GOLGA7: variants seen among roughly 807,000 people sequenced by gnomAD.
GOLGA7 encodes golgin subfamily A member 7.
A neutral mutation model predicts 21.1 loss-of-function variants in GOLGA7; 10 were observed. The ratio of observed to expected loss-of-function variants is 0.47; its 90% CI spans 0.29 to 0.80. GOLGA7 has a LOEUF of 0.80. GOLGA7 is among the 30% of genes least tolerant of loss of function. The pLI is 0.08. For synonymous variants in GOLGA7, 64 were observed against 62.6 expected (o/e 1.02, Z -0.10); for missense variants, 114 against 166.8 (o/e 0.68, Z 1.74).
At chr8:41,504,120 TAAAAAA>T (rs58682911) in intron 2 of GOLGA7, among the ~76,000 whole-genome samples, 43 of 121,226 alleles carry the variant, frequency 3.5e-4, no homozygotes, top group African/African-American at 1.3e-3. Flanking sequence ...TAGAGTATAA[TAAAAAA>T]AAAAAAAAAA....
At chr8:41,502,102 A>G (rs1806162220) in intron 2 of GOLGA7, among the ~76,000 whole-genome samples, 1 of 152,272 alleles carries the variant, frequency 6.6e-6, no homozygotes, top group South Asian at 2.1e-4. Flanking sequence ...GAAACTGAAC[A>G]TGGATAATTA....
At chr8:41,499,562 G>A (rs1806101025) in intron 2 of GOLGA7, among the ~76,000 whole-genome samples, 1 of 152,142 alleles carries the variant, frequency 6.6e-6, no homozygotes, top group Non-Finnish European at 1.5e-5. Flanking sequence ...AACCACCCTG[G>A]CCAAACTCCA....
At chr8:41,491,009 G>C (rs1221350329) in intron 1 of GOLGA7, 44 bp downstream of exon 1, 1 of 1,119,404 alleles carries the variant, frequency 8.9e-7, no homozygotes. Flanking sequence ...GAGGGAGAGA[G>C]ACTCACCGGG....
chr8:41,491,241 T>C (rs563642067), intron 1 of GOLGA7, among the ~76,000 whole-genome samples: 1 of 152,314 alleles, frequency 6.6e-6, no homozygotes, highest in Admixed American at 6.5e-5. Context: ...GTTCCCCTGC[T>C]GCACTCCCCC....
chr8:41,506,393 G>T (rs1380665823), intron 3 of GOLGA7, among the ~76,000 whole-genome samples: 1 of 152,040 alleles, frequency 6.6e-6, no homozygotes, highest in Non-Finnish European at 1.5e-5. Flanking sequence ...CAAATGAATT[G>T]CAGTTTCATG....
intron 4 of GOLGA7, 131 bp downstream of exon 4, chr8:41,507,252 A>G (rs111789171): frequency 4.8e-6 from 3 of 624,780 alleles, no homozygotes; most frequent in African/African-American, 1.9e-5. Flanking sequence ...GTGTTAGCTT[A>G]AGCTAGTCAC....
intron 1 of GOLGA7, among the ~76,000 whole-genome samples, chr8:41,494,657 G>T (rs1805963908): frequency 6.6e-6 from 1 of 152,140 alleles, no homozygotes; most frequent in Non-Finnish European, 1.5e-5. Context: ...GGGTAGCTCA[G>T]TGAAGAAACA....
intron 2 of GOLGA7, among the ~76,000 whole-genome samples, chr8:41,504,120 TAAAAAAA>T (rs58682911): frequency 0.12 from 14,579 of 121,248 alleles, 1,010 homozygotes; most frequent in Middle Eastern, 0.22. Flanking sequence ...TAGAGTATAA[TAAAAAAA>T]AAAAAAAAAC....
intron 4 of GOLGA7, among the ~76,000 whole-genome samples, chr8:41,508,959 A>C (rs1415525826): frequency 6.6e-6 from 1 of 152,262 alleles, no homozygotes; most frequent in African/African-American, 2.4e-5. Flanking sequence ...AAAAGACTAC[A>C]CAAACATGAG....
At chr8:41,497,982 C>G (rs1482312036) in intron 2 of GOLGA7, among the ~76,000 whole-genome samples, 1 of 152,156 alleles carries the variant, frequency 6.6e-6, no homozygotes, top group Non-Finnish European at 1.5e-5. Flanking sequence ...ACTCTCTTCT[C>G]CCACCTGAGT....
chr8:41,492,490 C>T (rs1297230305), intron 1 of GOLGA7, among the ~76,000 whole-genome samples: 1 of 152,134 alleles, frequency 6.6e-6, no homozygotes, highest in Non-Finnish European at 1.5e-5. Context: ...GGTGAAACCC[C>T]ATCTCTACTA....
At chr8:41,500,306 A>T (rs1333173247) in intron 2 of GOLGA7, among the ~76,000 whole-genome samples, 27 of 152,218 alleles carry the variant, frequency 1.8e-4, no homozygotes, top group Admixed American at 1.8e-3. Context: ...GAGGCCTCTG[A>T]GGTGGTGACA....
At position 41,490,979 on chromosome 8, in the gene GOLGA7, C is replaced by T. The variant is rs752059137; in HGVS notation, c.111+14C>T. The T allele has an allele frequency of 3.6e-6, 5 of 1,370,354 alleles. No homozygotes were observed. In the South Asian group the frequency reaches 3.7e-5, roughly 10 times the overall value. 84.9% of individuals were successfully genotyped at this position (1,370,354 alleles called of 1,614,324 possible). Reference sequence around the variant, plus strand: ...CTGGAGAACCGGGTACGCAACCTGGCTCCCCACGCCTGCTCTGGCGAGGGA... The same window carrying T: ...CTGGAGAACCGGGTACGCAACCTGGTTCCCCACGCCTGCTCTGGCGAGGGA... On this transcript the variant is annotated intron_variant, in intron 1 of 4. Coordinates refer to ENST00000357743, the MANE Select transcript of GOLGA7 (RefSeq NM_001002296.2).
At chr8:41,495,336 G>A (rs1030746152) in intron 1 of GOLGA7, among the ~76,000 whole-genome samples, 20 of 151,350 alleles carry the variant, frequency 1.3e-4, no homozygotes, top group Admixed American at 1.1e-3. Flanking sequence ...CCAGACTGGA[G>A]TGCAGTGGTG....
At chr8:41,497,279 A>G (rs1004548245) in intron 1 of GOLGA7, among the ~76,000 whole-genome samples, 1 of 152,014 alleles carries the variant, frequency 6.6e-6, no homozygotes, top group African/African-American at 2.4e-5. Flanking sequence ...GTTACTTGAA[A>G]TTTAGTAGAA....
chr8:41,497,341 G>A (rs1444257743), intron 1 of GOLGA7, among the ~76,000 whole-genome samples, 168 bp from the exon 2 acceptor site: 1 of 151,804 alleles, frequency 6.6e-6, no homozygotes, highest in African/African-American at 2.4e-5. Context: ...ATTTATAAGA[G>A]GGATAAAATT....
At chr8:41,494,797 T>G (rs533112942) in intron 1 of GOLGA7, among the ~76,000 whole-genome samples, 1 of 152,190 alleles carries the variant, frequency 6.6e-6, no homozygotes, top group Non-Finnish European at 1.5e-5. Context: ...TTGCATTAAA[T>G]TCATGCATGC....
In GOLGA7 at chr8:41,497,511, T is replaced by G. The variant is rs1806047636; in HGVS notation, c.114T>G (p.Ile38Met). The G allele has an allele frequency of 6.6e-7, 1 of 1,515,890 alleles. No homozygotes were observed. 93.9% of individuals were successfully genotyped at this position (1,515,890 alleles called of 1,614,324 possible). Residue 38 changes from isoleucine (I) to methionine (M), a missense_variant and splice_region_variant, in exon 2 of 5, where the codon ATT becomes ATG. Transcript: ENST00000357743. ...TKFPAELENR[I>M]DRQQFEETVR... ...TTTAAATATTTTCTTCTCTACAGAT[T>G]GATAGGCAGCAGTTTGAAGAAACAG...
At chr8:41,499,620 C>T (rs13249388) in intron 2 of GOLGA7, among the ~76,000 whole-genome samples, 88,725 of 151,992 alleles carry the variant, frequency 0.58, 27,079 homozygotes, top group South Asian at 0.78. Context: ...TGTGCTCCTA[C>T]GCCAGTGTGT....
Sources: allele counts gnomAD v4.1 joint callset (sites outside exome capture counted in the v4.1 genomes callset), GRCh38; gene constraint gnomAD v4.1.1; transcripts MANE v1.5; gene names NCBI Gene and HGNC (gene_info 2026-07-23, HGNC 2026-07-21).